SESTD1: variants seen among roughly 807,000 people sequenced by gnomAD.
The protein encoded by SESTD1 is SEC14 domain and spectrin repeat-containing protein 1.
SESTD1 carries 43 observed loss-of-function variants against 101.7 expected under a neutral mutation model. The observed-to-expected ratio is 0.42, with a 90% CI of 0.33 to 0.55. SESTD1 has a LOEUF of 0.55. SESTD1 is among the 20% of genes least tolerant of loss of function. The pLI, the probability that SESTD1 is intolerant of heterozygous loss-of-function variation, is 0.07. For synonymous variants in SESTD1, 283 were observed against 286.8 expected, an observed-to-expected ratio of 0.99 and a Z score of 0.13; for missense variants, 647 against 815.1, an observed-to-expected ratio of 0.79 and a Z score of 2.51.
intron 1 of SESTD1, among the ~76,000 whole-genome samples, chr2:179,231,645 T>C (rs1014910845): frequency 1.1e-4 from 16 of 151,428 alleles, no homozygotes; most frequent in Admixed American, 6.6e-4. Flanking sequence ...AAAAATTTTT[T>C]CATTTGGCTA....
intron 1 of SESTD1, among the ~76,000 whole-genome samples, chr2:179,196,577 A>C (rs2046397881): frequency 6.6e-6 from 1 of 152,252 alleles, no homozygotes; most frequent in Admixed American, 6.5e-5. Context: ...CTTTGAAGAC[A>C]GCAGTGGTTC....
chr2:179,262,170 A>G (rs10177402), intron 1 of SESTD1, among the ~76,000 whole-genome samples: 44,097 of 152,108 alleles, frequency 0.29, 6,752 homozygotes, highest in South Asian at 0.44. Context: ...AAATCCATAG[A>G]GACATAAAGT....
At chr2:179,244,243 G>C (rs911775941) in intron 1 of SESTD1, among the ~76,000 whole-genome samples, 1 of 152,074 alleles carries the variant, frequency 6.6e-6, no homozygotes, top group Non-Finnish European at 1.5e-5. Flanking sequence ...AATTGCTTGA[G>C]ATCAGGAGTT....
chr2:179,182,336 T>C (rs1261704145), intron 3 of SESTD1, among the ~76,000 whole-genome samples: 3 of 152,082 alleles, frequency 2.0e-5, no homozygotes, highest in African/African-American at 4.8e-5. Context: ...GGTTGCACAT[T>C]AGAAATACAC....
intron 3 of SESTD1, among the ~76,000 whole-genome samples, chr2:179,176,845 GTC>G (rs1351308840): frequency 6.6e-6 from 1 of 152,222 alleles, no homozygotes; most frequent in Non-Finnish European, 1.5e-5. Flanking sequence ...AGTCCTACTA[GTC>G]TCTCAATTTC....
rs1202513624 is a variant in SESTD1, at chr2:179,215,534, G to A, written c.-25-23668C>T. 3.7e-5 allele frequency among the ~76,000 whole-genome samples: 5 copies of A among 133,802 alleles called. 2 individuals carry two copies. The highest frequency in any genetic ancestry group is 4.0e-4 in the East Asian group (2 of 4,996). 87.8% of individuals were successfully genotyped at this position (133,802 alleles called of 152,430 possible). A position where few individuals can be genotyped will look rare whatever the true frequency, so the allele number is the denominator to read the frequency against. On this transcript the variant is annotated intron_variant, in intron 1 of 17. Transcript: ENST00000428443. ...ACCAAAAAAAAGTCCAGGACCAGACGATTCACAGCCGAATTCTAACAGGGG... is the reference window on the plus strand; with the variant it reads ...ACCAAAAAAAAGTCCAGGACCAGACAATTCACAGCCGAATTCTAACAGGGG...
intron 1 of SESTD1, among the ~76,000 whole-genome samples, chr2:179,263,711 C>T (rs1368007868): frequency 6.6e-6 from 1 of 152,212 alleles, no homozygotes; most frequent in African/African-American, 2.4e-5. Flanking sequence ...AAGTCCAAAC[C>T]GTGCATCCCA....
At chr2:179,116,203 G>A (rs537158808) in intron 15 of SESTD1, among the ~76,000 whole-genome samples, 15 of 151,984 alleles carry the variant, frequency 9.9e-5, no homozygotes, top group Non-Finnish European at 2.2e-4. Flanking sequence ...GAACCTGGGA[G>A]GCAGAGGTTG....
chr2:179,196,441 G>T (rs572186943), intron 1 of SESTD1, among the ~76,000 whole-genome samples: 1 of 152,364 alleles, frequency 6.6e-6, no homozygotes, highest in South Asian at 2.1e-4. Flanking sequence ...AGCTCAAACT[G>T]GGTGGAGCCC....
At chr2:179,188,125 T>C (rs1298922764) in intron 2 of SESTD1, among the ~76,000 whole-genome samples, 1 of 152,138 alleles carries the variant, frequency 6.6e-6, no homozygotes, top group Non-Finnish European at 1.5e-5. Context: ...CCACAGAATA[T>C]ACATTCTTCT....
At chr2:179,156,120 A>ATG (rs891638440) in intron 5 of SESTD1, among the ~76,000 whole-genome samples, 24 of 151,522 alleles carry the variant, frequency 1.6e-4, no homozygotes, top group South Asian at 6.2e-4. Context: ...ATATATATAT[A>ATG]TGTGTGTATA....
chr2:179,128,289 A>AAATT (rs753168940), intron 10 of SESTD1, among the ~76,000 whole-genome samples: 3 of 152,212 alleles, frequency 2.0e-5, no homozygotes, highest in Non-Finnish European at 4.4e-5. Context: ...ATGTCTCAAG[A>AAATT]AATTAACACC....
At chr2:179,233,948 C>T (rs1417061221) in intron 1 of SESTD1, among the ~76,000 whole-genome samples, 1 of 152,140 alleles carries the variant, frequency 6.6e-6, no homozygotes, top group Non-Finnish European at 1.5e-5. Context: ...CAGGTGTTGA[C>T]TTGACTGGGC....
chr2:179,198,637 C>T (rs2046445610), intron 1 of SESTD1, among the ~76,000 whole-genome samples: 1 of 151,750 alleles, frequency 6.6e-6, no homozygotes, highest in Non-Finnish European at 1.5e-5. Flanking sequence ...AACTAGAACT[C>T]AGGATTAAGA....
Position 179,109,948 on chromosome 2 carries a change from A to C in SESTD1, c.2042T>G (p.Leu681Arg). The change falls in exon 18 of 18, where the codon CTC becomes CGC. Residue 681 changes from leucine to arginine, a missense_variant. Physicochemically the swap from Leu to Arg is moderately radical, Grantham distance 102. Coordinates refer to ENST00000428443, the MANE Select transcript of SESTD1 (RefSeq NM_178123.5). ...AGGATGTCTCAGCTGCTGCCTTTTG[A>C]GATTAACTAGTTTCATCCTGTCTCT... ...NIRDRMKLVN[L>R]KRQQLRHPEM... 6.2e-7 allele frequency: 1 copy of C among 1,613,788 alleles called. No individual in the cohort carries two copies. Among genetic ancestry groups the C allele is most frequent in the South Asian group, 1.1e-5 (1 of 91,048 alleles).
chr2:179,219,981 G>C (rs1559148808), intron 1 of SESTD1, among the ~76,000 whole-genome samples: 1 of 152,170 alleles, frequency 6.6e-6, no homozygotes, highest in East Asian at 1.9e-4. Context: ...AAAAGGAAAA[G>C]AAAGCCTCTG....
intron 10 of SESTD1, among the ~76,000 whole-genome samples, chr2:179,127,768 T>C (rs1376097190): frequency 1.3e-5 from 2 of 152,230 alleles, no homozygotes; most frequent in Non-Finnish European, 2.9e-5. Context: ...TATCAGTTAT[T>C]GTTTGGATTT....
At chr2:179,251,343 G>A (rs889350146) in intron 1 of SESTD1, among the ~76,000 whole-genome samples, 5 of 151,632 alleles carry the variant, frequency 3.3e-5, no homozygotes, top group African/African-American at 9.7e-5. Flanking sequence ...AAACTTACCC[G>A]AAACCTCTTT....
At chr2:179,153,959 C>T (rs923984685) in intron 5 of SESTD1, among the ~76,000 whole-genome samples, 6 of 151,376 alleles carry the variant, frequency 4.0e-5, no homozygotes, top group African/African-American at 7.3e-5. Context: ...ATAATGAAAA[C>T]GAGACTGGGC....
Sources: allele counts gnomAD v4.1 joint callset (sites outside exome capture counted in the v4.1 genomes callset), GRCh38; gene constraint gnomAD v4.1.1; transcripts MANE v1.5; gene names NCBI Gene and HGNC (gene_info 2026-07-23, HGNC 2026-07-21).